The following GRIA4 variants were observed in gnomAD, a reference collection of about 807,000 sequenced individuals.
GRIA4 encodes the protein glutamate ionotropic receptor AMPA type subunit 4.
In GRIA4, 34 loss-of-function variants were observed where a neutral mutation model predicts 104.0. The ratio of observed to expected loss-of-function variants is 0.33; its 90% confidence interval spans 0.25 to 0.44. The LOEUF (loss-of-function observed/expected upper bound fraction) is 0.44. GRIA4 is among the 20% of genes least tolerant of loss of function. The pLI is 1.00. For synonymous variants in GRIA4, 386 were observed against 381.9 expected, an observed-to-expected ratio of 1.01 and a Z score of -0.13; for missense variants, 750 against 1,096.5, an observed-to-expected ratio of 0.68 and a Z score of 4.46.
intron 3 of GRIA4, among the ~76,000 whole-genome samples, chr11:105,712,830 A>G (rs1321930269): frequency 2.0e-5 from 3 of 152,066 alleles, no homozygotes; most frequent in African/African-American, 4.8e-5. Context: ...GTGAAAGCTC[A>G]AAAGTATGAG....
chr11:105,728,226 A>C (rs1938346840), intron 3 of GRIA4, among the ~76,000 whole-genome samples: 1 of 152,232 alleles, frequency 6.6e-6, no homozygotes, highest in Non-Finnish European at 1.5e-5. Context: ...TTGCAATCCT[A>C]TTCTCTGATA....
intron 3 of GRIA4, among the ~76,000 whole-genome samples, chr11:105,747,158 C>T (rs1413349528): frequency 6.6e-6 from 1 of 152,160 alleles, no homozygotes; most frequent in African/African-American, 2.4e-5. Flanking sequence ...CACATGTACA[C>T]ACACAAACAC....
At chr11:105,689,136 G>C (rs1952996991) in intron 3 of GRIA4, among the ~76,000 whole-genome samples, 1 of 152,032 alleles carries the variant, frequency 6.6e-6, no homozygotes, top group South Asian at 2.1e-4. Context: ...TATTTTATGA[G>C]GAAAATGTTA....
intron 3 of GRIA4, among the ~76,000 whole-genome samples, chr11:105,622,259 A>AT (rs1330265976): frequency 1.1e-4 from 17 of 151,488 alleles, no homozygotes; most frequent in Admixed American, 9.9e-4. Flanking sequence ...ATTATTCTAC[A>AT]TTTTTTCTAG....
intron 4 of GRIA4, among the ~76,000 whole-genome samples, chr11:105,776,661 C>G (rs1181361965): frequency 6.6e-6 from 1 of 152,072 alleles, no homozygotes; most frequent in Non-Finnish European, 1.5e-5. Flanking sequence ...TCCCTGAGGT[C>G]TAGATAGAAG....
At chr11:105,701,506 A>C (rs1302482695) in intron 3 of GRIA4, among the ~76,000 whole-genome samples, 1 of 152,056 alleles carries the variant, frequency 6.6e-6, no homozygotes, top group Non-Finnish European at 1.5e-5. Flanking sequence ...TTTGAAGCAC[A>C]ACACATCTAC....
chr11:105,935,834 T>C (rs933338843), intron 14 of GRIA4, among the ~76,000 whole-genome samples: 1 of 152,152 alleles, frequency 6.6e-6, no homozygotes, highest in Non-Finnish European at 1.5e-5. Context: ...AAATCCACAC[T>C]ACAGGGATTG....
At chr11:105,954,457 G>A (rs529751426) in intron 14 of GRIA4, among the ~76,000 whole-genome samples, 1 of 152,134 alleles carries the variant, frequency 6.6e-6, no homozygotes, top group Admixed American at 6.5e-5. Context: ...GGGGCATAAA[G>A]AACAAATGCA....
chr11:105,944,726 T>C (rs1055375131), intron 14 of GRIA4, among the ~76,000 whole-genome samples: 2 of 152,110 alleles, frequency 1.3e-5, no homozygotes, highest in East Asian at 3.9e-4. Flanking sequence ...GTTAAATAGC[T>C]GATGAGTGAC....
At chr11:105,643,252 T>C (rs1371798013) in intron 3 of GRIA4, among the ~76,000 whole-genome samples, 1 of 152,138 alleles carries the variant, frequency 6.6e-6, no homozygotes, top group African/African-American at 2.4e-5. Context: ...CTCATTACAG[T>C]TTTCTATATT....
chr11:105,813,196 T>A (rs1319611235), intron 4 of GRIA4, among the ~76,000 whole-genome samples: 1 of 147,944 alleles, frequency 6.8e-6, no homozygotes, highest in Non-Finnish European at 1.5e-5. Flanking sequence ...TCCTGAGGAG[T>A]GAGACATGCC....
chr11:105,712,598 A>G (rs549213832), intron 3 of GRIA4, among the ~76,000 whole-genome samples: 3 of 152,148 alleles, frequency 2.0e-5, no homozygotes, highest in South Asian at 4.1e-4. Context: ...AGCCTATCCT[A>G]TTTTTTGTGC....
intron 3 of GRIA4, among the ~76,000 whole-genome samples, chr11:105,718,797 T>C (rs1954193245): frequency 6.6e-6 from 1 of 152,172 alleles, no homozygotes. Flanking sequence ...CACTGCTCCC[T>C]TGGCAGCTCA....
chr11:105,613,621 C>T (rs1037044180), intron 3 of GRIA4: 1 of 152,158 alleles, frequency 6.6e-6, no homozygotes, highest in African/African-American at 2.4e-5. Context: ...TGGAGGACAT[C>T]TGTTTCATCA....
rs776960975 is a variant in GRIA4, at chr11:105,610,971, C to A, written c.-27C>A. 1.3e-5 allele frequency: 19 copies of A among 1,455,688 alleles called. No homozygotes were observed. Among genetic ancestry groups the A allele is most frequent in the Admixed American group, 3.4e-5 (2 of 59,058 alleles). The allele number at this position is 1,455,688 out of a possible 1,614,324, so 90.2% of individuals were successfully genotyped here. A position where few individuals can be genotyped will look rare whatever the true frequency, so the allele number is the denominator to read the frequency against. On this transcript the variant is annotated 5_prime_UTR_variant, in exon 2 of 17. Coordinates refer to ENST00000282499, the MANE Select transcript of GRIA4 (RefSeq NM_000829.4). ...AAGAGTGCGAGAGAAAGAGAGAGAG[C>A]GCGCGCCAGGGAGAGGAGAAAAGAA...
At chr11:105,828,212 T>C (rs772236960) in intron 4 of GRIA4, among the ~76,000 whole-genome samples, 5 of 152,008 alleles carry the variant, frequency 3.3e-5, no homozygotes, top group Admixed American at 1.3e-4. Flanking sequence ...TCACAAAATT[T>C]AATTTGTTTC....
intron 3 of GRIA4, among the ~76,000 whole-genome samples, chr11:105,686,842 T>G (rs1466148753): frequency 6.6e-6 from 1 of 152,226 alleles, no homozygotes. Flanking sequence ...TGTAATATTT[T>G]TTCATGTTTG....
chr11:105,835,563 TTC>T (rs1396594279), intron 4 of GRIA4, among the ~76,000 whole-genome samples: 1 of 152,064 alleles, frequency 6.6e-6, no homozygotes, highest in African/African-American at 2.4e-5. Context: ...TGTGTGTGTT[TTC>T]TTTCTTTTTC....
intron 10 of GRIA4, chr11:105,912,265 T>G: frequency 3.1e-6 from 3 of 978,128 alleles, no homozygotes; most frequent in Non-Finnish European, 3.6e-6. Flanking sequence ...ATTTGTGTGC[T>G]TGTTTTCTGA....
Sources: gnomAD v4.1 joint callset for allele counts (sites outside exome capture counted in the v4.1 genomes callset) on GRCh38, gnomAD v4.1.1 for gene constraint, MANE v1.5 for transcripts, NCBI Gene and HGNC (gene_info 2026-07-23, HGNC 2026-07-21) for gene names.